PODXL2: variants seen among roughly 807,000 people sequenced by gnomAD.
PODXL2 encodes the protein podocalyxin-like protein 2.
PODXL2 carries 17 observed loss-of-function variants against 53.4 expected under a neutral mutation model. The ratio of observed to expected loss-of-function variants is 0.32; its 90% CI spans 0.22 to 0.48. The LOEUF is 0.48. Ranked by LOEUF, PODXL2 falls within the 20% of genes least tolerant of loss-of-function variation. The pLI, the probability that PODXL2 is intolerant of heterozygous loss-of-function variation, is 0.99. For synonymous variants in PODXL2, 311 were observed against 306.7 expected, an observed-to-expected ratio of 1.01 and a Z score of -0.15; for missense variants, 673 against 760.0, an observed-to-expected ratio of 0.89 and a Z score of 1.35.
chr3:127,645,400 T>C (rs1035011932), intron 2 of PODXL2, among the ~76,000 whole-genome samples: 1 of 152,200 alleles, frequency 6.6e-6, no homozygotes, highest in Admixed American at 6.5e-5. Context: ...TGCTAGTGGA[T>C]ATGTATTCGT....
In PODXL2 at chr3:127,672,739, G is replaced by A. The variant is rs1559882103; in HGVS notation, c.*259G>A. The A allele has an allele frequency of 1.2e-5, 5 of 411,484 alleles. No individual in the cohort carries two copies. Among genetic ancestry groups the A allele is most frequent in the Admixed American group, 4.6e-5 (1 of 21,852 alleles). 25.5% of individuals were successfully genotyped at this position (411,484 alleles called of 1,614,324 possible). ...CCTGAACCCCGGCCCCGCGGGCGGC[G>A]GGCGGCGCTTCCTGCGCCCCGGGAC... On this transcript the variant is annotated 3_prime_UTR_variant, in exon 8 of 8. Coordinates refer to ENST00000342480, the MANE Select transcript of PODXL2 (RefSeq NM_015720.4).
intron 2 of PODXL2, among the ~76,000 whole-genome samples, chr3:127,643,489 C>T (rs1041722299): frequency 1.3e-5 from 2 of 151,908 alleles, no homozygotes; most frequent in East Asian, 3.9e-4. Flanking sequence ...GGATTACAGG[C>T]ATGAGCCACC....
intron 1 of PODXL2, among the ~76,000 whole-genome samples, chr3:127,633,337 C>A (rs1294830429): frequency 6.6e-6 from 1 of 152,250 alleles, no homozygotes; most frequent in African/African-American, 2.4e-5. Context: ...ATTCTTCTTC[C>A]TGGAGCATCC....
intron 1 of PODXL2, among the ~76,000 whole-genome samples, chr3:127,631,169 T>C (rs2074543096): frequency 6.6e-6 from 1 of 152,220 alleles, no homozygotes; most frequent in South Asian, 2.1e-4. Context: ...AGCGTGACTG[T>C]GCTCAGCAGT....
chr3:127,643,811 C>T (rs1321736957), intron 2 of PODXL2, among the ~76,000 whole-genome samples: 2 of 151,606 alleles, frequency 1.3e-5, no homozygotes, highest in East Asian at 3.9e-4. Context: ...GTTAATTTTT[C>T]TGTTTTTTGT....
chr3:127,639,623 C>A, intron 2 of PODXL2, 100 bp downstream of exon 2: 1 of 1,154,342 alleles, frequency 8.7e-7, no homozygotes, highest in Non-Finnish European at 1.2e-6. Context: ...TCTTCTCTCT[C>A]CCTACAGTTT....
chr3:127,640,660 C>T (rs1312982987), intron 2 of PODXL2, among the ~76,000 whole-genome samples: 1 of 151,576 alleles, frequency 6.6e-6, no homozygotes, highest in Non-Finnish European at 1.5e-5. Flanking sequence ...GAGATCGCAC[C>T]ACTGCTCTCC....
intron 2 of PODXL2, among the ~76,000 whole-genome samples, chr3:127,652,398 C>A (rs749722737): frequency 6.6e-6 from 1 of 152,046 alleles, no homozygotes; most frequent in Admixed American, 6.6e-5. Context: ...CTGGGAGGGT[C>A]GGGAGCCCAG....
intron 2 of PODXL2, among the ~76,000 whole-genome samples, chr3:127,650,046 A>G (rs1319930373): frequency 6.6e-6 from 1 of 152,192 alleles, no homozygotes; most frequent in Non-Finnish European, 1.5e-5. Flanking sequence ...CAGTTGGATA[A>G]CTGACTTGAG....
intron 4 of PODXL2, among the ~76,000 whole-genome samples, chr3:127,668,118 G>GTGTA (rs1452181574): frequency 1.3e-5 from 2 of 151,114 alleles, no homozygotes; most frequent in Admixed American, 6.6e-5. Context: ...GTGTGTGTGT[G>GTGTA]TGTGTGTGTG....
At chr3:127,632,508 C>T (rs983875501) in intron 1 of PODXL2, among the ~76,000 whole-genome samples, 9 of 152,242 alleles carry the variant, frequency 5.9e-5, no homozygotes, top group Admixed American at 2.6e-4. Context: ...ATGGCCCTCT[C>T]AAAGGCAGGC....
At chr3:127,638,124 A>C (rs1432046594) in intron 1 of PODXL2, among the ~76,000 whole-genome samples, 1 of 152,186 alleles carries the variant, frequency 6.6e-6, no homozygotes, top group Non-Finnish European at 1.5e-5. Flanking sequence ...GAGGAGACTG[A>C]GACCCAGAGG....
chr3:127,672,579 G>T lies in PODXL2; in HGVS notation c.*99G>T, dbSNP rs1187535367. On this transcript the variant is annotated 3_prime_UTR_variant, in exon 8 of 8. Transcript: ENST00000342480. The stretch of plus-strand genomic sequence containing the variant: ...CCGCACCAGCCCCGCGCCTACCCGG[G>T]CCGCCCCCGCGGCCTGGCCCTCGGC... 12 of 775,550 alleles carry T rather than the reference G, an allele frequency of 1.5e-5. No individual in the cohort carries two copies. The highest frequency in any genetic ancestry group is 2.3e-5 in the Non-Finnish European group (12 of 532,350). The allele number at this position is 775,550 out of a possible 1,614,324, so 48.0% of individuals were successfully genotyped here.
At chr3:127,651,517 G>T (rs761757052) in intron 2 of PODXL2, among the ~76,000 whole-genome samples, 3 of 152,322 alleles carry the variant, frequency 2.0e-5, no homozygotes, top group Non-Finnish European at 4.4e-5. Flanking sequence ...AGGCAAATGG[G>T]GGTGTAGGGG....
At chr3:127,631,550 T>A (rs2074546360) in intron 1 of PODXL2, among the ~76,000 whole-genome samples, 1 of 152,174 alleles carries the variant, frequency 6.6e-6, no homozygotes, top group Non-Finnish European at 1.5e-5. Flanking sequence ...TTGGGTGTGA[T>A]GATGTAACAG....
chr3:127,655,011 C>T (rs555752430), intron 2 of PODXL2, among the ~76,000 whole-genome samples: 17 of 152,178 alleles, frequency 1.1e-4, no homozygotes, highest in African/African-American at 3.4e-4. Context: ...GGTGCAATCT[C>T]GGCTCACTGG....
At chr3:127,653,569 C>A (rs1332997082) in intron 2 of PODXL2, among the ~76,000 whole-genome samples, 1 of 152,014 alleles carries the variant, frequency 6.6e-6, no homozygotes, top group Non-Finnish European at 1.5e-5. Context: ...TTGCTTGAAC[C>A]CAGGAGGCGG....
Position 127,660,480 on chromosome 3 carries a change from T to A in PODXL2, c.452T>A (p.Leu151Gln). 6.2e-7 allele frequency: 1 copy of A among 1,614,074 alleles called. No individual in the cohort carries two copies. The highest frequency in any genetic ancestry group is 8.5e-7 in the Non-Finnish European group (1 of 1,180,020). Residue 151 changes from leucine (L) to glutamine (Q), a missense_variant, in exon 3 of 8, where the codon CTG (leucine) becomes CAG (glutamine). Around this residue, in one of 3 missense-constraint regions of PODXL2, gnomAD observed 588 missense variants for 668.3 expected, o/e 0.88. Transcript: ENST00000342480. ...CCCTCTCCCTTGCCCAAGATGAATC[T>A]GGTTGAGCCTCCCTGGCATATGCCT... Reference protein sequence around the residue: ...NLPSPLPKMNLVEPPWHMPPR... With the variant: ...NLPSPLPKMNQVEPPWHMPPR...
chr3:127,646,605 C>G lies in PODXL2; in HGVS notation c.349+7082C>G, dbSNP rs185653311. On this transcript the variant is annotated intron_variant, in intron 2 of 7. Transcript: ENST00000342480. The stretch of plus-strand genomic sequence containing the variant: ...GTTTCCCCATGTTGGCCAGGATGGT[C>G]TCAAACTCCTGACCTCGTGATCTGC... Among the ~76,000 whole-genome samples the G allele has an allele frequency of 1.6e-4, 25 of 152,264 alleles. No homozygotes were observed. The East Asian group carries it at 4.8e-3, about 29-fold the overall frequency.
Sources: gnomAD v4.1 joint callset for allele counts (sites outside exome capture counted in the v4.1 genomes callset) on GRCh38, gnomAD v4.1.1 for gene constraint, gnomAD v4.1.1 regional missense constraint, MANE v1.5 for transcripts, NCBI Gene and HGNC (gene_info 2026-07-23, HGNC 2026-07-21) for gene names.